Variants in TMC1 observed in about 807,000 individuals in gnomAD.
TMC1 encodes the protein transmembrane channel like 1.
TMC1 carries 84 observed loss-of-function variants against 105.8 expected under a neutral mutation model. The ratio of observed to expected loss-of-function variants is 0.79; its 90% CI spans 0.67 to 0.95. TMC1 has a LOEUF of 0.95. Among genes scored for constraint, TMC1 ranks in the 40% least tolerant of loss-of-function variants. The probability of loss-of-function intolerance (pLI) is 0.00; values close to 1 mark genes in which losing one functional copy is unlikely to be tolerated. For synonymous variants in TMC1, 315 were observed against 311.5 expected (o/e 1.01, Z -0.12); for missense variants, 817 against 914.1 (o/e 0.89, Z 1.37).
intron 23 of TMC1, 36 bp from the exon 24 acceptor site, chr9:72,835,915 G>GTTCTTTT: frequency 2.3e-6 from 3 of 1,314,680 alleles, no homozygotes; most frequent in Non-Finnish European, 2.0e-6. Flanking sequence ...CTCTCTCCTT[G>GTTCTTTT]TTTTTTTTTT....
At chr9:72,696,336 A>G (rs546588484) in intron 7 of TMC1, among the ~76,000 whole-genome samples, 1 of 151,802 alleles carries the variant, frequency 6.6e-6, no homozygotes, top group African/African-American at 2.4e-5. Flanking sequence ...ACATAACCCA[A>G]CTCTCTCCAT....
chr9:72,709,778 G>A (rs147403991), intron 8 of TMC1, among the ~76,000 whole-genome samples: 73 of 152,044 alleles, frequency 4.8e-4, no homozygotes, highest in South Asian at 2.9e-3. Flanking sequence ...CTTGCTAATC[G>A]TCTATCAATT....
At chr9:72,583,502 T>A (rs1824504992) in intron 2 of TMC1, among the ~76,000 whole-genome samples, 1 of 152,158 alleles carries the variant, frequency 6.6e-6, no homozygotes, top group Admixed American at 6.5e-5. Flanking sequence ...TGCACCAAAA[T>A]CCCAACTGAG....
intron 11 of TMC1, among the ~76,000 whole-genome samples, chr9:72,753,227 C>T (rs1184477240): frequency 1.3e-5 from 2 of 150,756 alleles, no homozygotes; most frequent in African/African-American, 2.4e-5. Flanking sequence ...TTCCCAAGTG[C>T]ACACTTTCAG....
intron 4 of TMC1, among the ~76,000 whole-genome samples, chr9:72,644,576 G>A (rs964699007): frequency 6.6e-6 from 1 of 152,000 alleles, no homozygotes; most frequent in Non-Finnish European, 1.5e-5. Context: ...ATATGTGTGA[G>A]TCTATTTCTG....
chr9:72,720,954 A>G (rs1405551844), intron 8 of TMC1, among the ~76,000 whole-genome samples: 1 of 152,228 alleles, frequency 6.6e-6, no homozygotes, highest in East Asian at 1.9e-4. Context: ...AGCTATATTT[A>G]ACATATCCTA....
intron 8 of TMC1, among the ~76,000 whole-genome samples, chr9:72,713,397 C>G (rs10118887): frequency 0.23 from 34,644 of 152,008 alleles, 4,277 homozygotes; most frequent in East Asian, 0.38. Flanking sequence ...GTGAATTTGT[C>G]TGGTCCTGGA....
rs555208752 is a variant in TMC1 at position 72,725,389 on chromosome 9, G to A, written c.363-14730G>A. On this transcript the variant is annotated intron_variant, in intron 8 of 23. Transcript: ENST00000297784. ...TATATGTATATACACACACACATGC[G>A]TACATATATATACAGGAGTTTATTA... Among the ~76,000 whole-genome samples the A allele has an allele frequency of 9.7e-4, 115 of 118,334 alleles. 1 individual carries two copies. Among genetic ancestry groups the A allele is most frequent in the African/African-American group, 2.7e-3 (93 of 33,990 alleles). 77.6% of individuals were successfully genotyped at this position (118,334 alleles called of 152,430 possible). A position where few individuals can be genotyped will look rare whatever the true frequency, so the allele number is the denominator to read the frequency against.
chr9:72,805,231 A>G (rs1828551450), intron 17 of TMC1, 151 bp from the exon 18 acceptor site: 1 of 618,118 alleles, frequency 1.6e-6, no homozygotes, highest in Non-Finnish European at 2.7e-6. Context: ...AATATTTTTT[A>G]TTTACTTGAT....
chr9:72,628,131 T>G (rs564868039), intron 4 of TMC1, 68 bp downstream of exon 4: 2 of 454,826 alleles, frequency 4.4e-6, no homozygotes, highest in African/African-American at 4.0e-5. Context: ...TTTCACATGC[T>G]ATGTTTAATC....
At chr9:72,801,837 G>A (rs1232295994) in intron 17 of TMC1, among the ~76,000 whole-genome samples, 2 of 152,042 alleles carry the variant, frequency 1.3e-5, no homozygotes, top group Non-Finnish European at 2.9e-5. Context: ...TTTTCCTATG[G>A]TATATGAATA....
chr9:72,816,055 A>G (rs1050755464), intron 18 of TMC1, 88 bp from the exon 19 acceptor site: 26 of 1,154,810 alleles, frequency 2.3e-5, no homozygotes, highest in Non-Finnish European at 2.9e-5. Context: ...GAAGTAATTG[A>G]AACCCTAGCC....
At chr9:72,561,792 C>T (rs1458920097) in intron 1 of TMC1, among the ~76,000 whole-genome samples, 1 of 152,262 alleles carries the variant, frequency 6.6e-6, no homozygotes, top group East Asian at 1.9e-4. Context: ...ACATTTTAGG[C>T]ACACGTTTGA....
chr9:72,744,220 CACTT>C (rs201174258), intron 10 of TMC1, among the ~76,000 whole-genome samples: 116 of 152,300 alleles, frequency 7.6e-4, no homozygotes, highest in East Asian at 7.1e-3. Context: ...TCCTCCTTAA[CACTT>C]ACCGCTATCT....
chr9:72,632,799 A>G (rs1483864441), intron 4 of TMC1, among the ~76,000 whole-genome samples: 1 of 152,224 alleles, frequency 6.6e-6, no homozygotes, highest in Admixed American at 6.5e-5. Context: ...GGCAGTAGTA[A>G]AAAGTTTGCG....
intron 20 of TMC1, among the ~76,000 whole-genome samples, chr9:72,825,560 G>T (rs574995286): frequency 5.9e-4 from 90 of 152,274 alleles, no homozygotes; most frequent in Admixed American, 3.5e-3. Flanking sequence ...GCCTTTGTGT[G>T]TAGGGATAAT....
At chr9:72,695,627 A>G (rs1826537439) in intron 7 of TMC1, among the ~76,000 whole-genome samples, 1 of 152,160 alleles carries the variant, frequency 6.6e-6, no homozygotes, top group African/African-American at 2.4e-5. Context: ...ATGTCCTCCC[A>G]AGATGACACA....
At chr9:72,737,423 C>T (rs1454318085) in intron 8 of TMC1, among the ~76,000 whole-genome samples, 1 of 152,112 alleles carries the variant, frequency 6.6e-6, no homozygotes, top group Non-Finnish European at 1.5e-5. Context: ...ATTGCCTGAC[C>T]ATTTGTTTGT....
At chr9:72,717,224 C>T (rs774930822) in intron 8 of TMC1, among the ~76,000 whole-genome samples, 9 of 152,160 alleles carry the variant, frequency 5.9e-5, no homozygotes, top group Admixed American at 4.6e-4. Flanking sequence ...GCCAGCAAAT[C>T]GGTGAATTGT....
Sources: gnomAD v4.1 joint callset for allele counts (sites outside exome capture counted in the v4.1 genomes callset) on GRCh38, gnomAD v4.1.1 for gene constraint, MANE v1.5 for transcripts, NCBI Gene and HGNC (gene_info 2026-07-23, HGNC 2026-07-21) for gene names.